The following ANTXRL variants were observed in gnomAD, a reference collection of about 807,000 sequenced individuals.
ANTXRL encodes the protein ANTXR like.
Under a neutral mutation model 75.4 loss-of-function variants are expected in ANTXRL, and 63 were observed. The ratio of observed to expected loss-of-function variants is 0.84; its 90% confidence interval spans 0.68 to 1.03. ANTXRL has a LOEUF of 1.03. Ranked by LOEUF, ANTXRL falls within the 50% of genes least tolerant of loss-of-function variation. The probability of loss-of-function intolerance (pLI) is 0.00; values close to 1 mark genes in which losing one functional copy is unlikely to be tolerated. For missense variants in ANTXRL, 797 were observed against 789.4 expected, an observed-to-expected ratio of 1.01 and a Z score of -0.12; for synonymous variants, 335 against 291.3, an observed-to-expected ratio of 1.15 and a Z score of -1.53.
Position 46,307,413 on chromosome 10 carries a change from T to C in ANTXRL, c.977T>C (p.Ile326Thr), listed in dbSNP as rs1188662393. 13 of 1,535,884 alleles carry C rather than the reference T, an allele frequency of 8.5e-6. No homozygotes were observed. Among genetic ancestry groups the C allele is most frequent in the Non-Finnish European group, 1.1e-5 (13 of 1,146,582 alleles). ...KLEKPGEEYSIEVSLNKGKTF... is the reference protein window; with the variant it reads ...KLEKPGEEYSTEVSLNKGKTF... The stretch of plus-strand genomic sequence containing the variant: ...TTTCTATGCTTTAGGGAGTACTCTA[T>C]TGAAGTCAGCTTGAACAAAGGCAAA... Residue 326 changes from isoleucine (I) to threonine (T), a missense_variant, in exon 12 of 17, where the codon ATT becomes ACT. Physicochemically the swap from Ile to Thr is moderately conservative, Grantham distance 89. Around this residue, in one of 3 missense-constraint regions of ANTXRL, gnomAD observed 479 missense variants for 422.0 expected, o/e 1.14. Transcript: ENST00000620264.
In ANTXRL at chr10:46,314,989, G is replaced by A. The variant is rs116445799; in HGVS notation, c.1410+1673G>A. ...TTCCCAACTATAGTCCTGAACACCC[G>A]ACTGAGTGTCTTGTAAGATTTCTGT... On this transcript the variant is annotated intron_variant, in intron 16 of 16. Coordinates refer to ENST00000620264, the MANE Select transcript of ANTXRL (RefSeq NM_001278688.3). Among the ~76,000 whole-genome samples the A allele has an allele frequency of 1.5e-3, 233 of 152,260 alleles. 2 individuals carry two copies. The highest frequency in any genetic ancestry group is 5.0e-3 in the African/African-American group (208 of 41,528).
At chr10:46,314,582 AAG>A (rs1461506288) in intron 16 of ANTXRL, among the ~76,000 whole-genome samples, 2 of 152,028 alleles carry the variant, frequency 1.3e-5, no homozygotes, top group Non-Finnish European at 2.9e-5. Context: ...GGGATGGAGC[AAG>A]TCGCTGAAAT....
At chr10:46,286,725 A>G (rs1371293852), upstream of ANTXRL, among the ~76,000 whole-genome samples, 2 of 152,038 alleles carry the variant, frequency 1.3e-5, no homozygotes, top group African/African-American at 4.8e-5. Context: ...TCACACAAAT[A>G]ACCTCCCATT....
At chr10:46,317,968 C>A (rs1459042015) in intron 16 of ANTXRL, among the ~76,000 whole-genome samples, 1 of 152,076 alleles carries the variant, frequency 6.6e-6, no homozygotes, top group African/African-American at 2.4e-5. Flanking sequence ...TTACACTTAC[C>A]CCACAGATTC....
At chr10:46,303,769 C>T (rs545446259) in intron 10 of ANTXRL, among the ~76,000 whole-genome samples, 11 of 152,110 alleles carry the variant, frequency 7.2e-5, no homozygotes, top group African/African-American at 1.7e-4. Context: ...CCTGAGGAAG[C>T]GCATAGTCCA....
At chr10:46,328,217 G>T (rs1554966854) in intron 16 of ANTXRL, among the ~76,000 whole-genome samples, 1 of 152,182 alleles carries the variant, frequency 6.6e-6, no homozygotes, top group Non-Finnish European at 1.5e-5. Context: ...CTGAAAAGGT[G>T]AGCAGCAGTT....
intron 9 of ANTXRL, among the ~76,000 whole-genome samples, chr10:46,301,048 A>T (rs1554960406): frequency 6.6e-6 from 1 of 151,184 alleles, no homozygotes; most frequent in South Asian, 2.1e-4. Flanking sequence ...TGCAATACAT[A>T]GTCCTAACAC....
chr10:46,322,385 G>A (rs1205851327), intron 16 of ANTXRL, among the ~76,000 whole-genome samples: 2 of 151,548 alleles, frequency 1.3e-5, no homozygotes, highest in South Asian at 2.1e-4. Flanking sequence ...TTGAACCTGG[G>A]AGGCAGAGGT....
At chr10:46,318,443 G>C (rs1224684079) in intron 16 of ANTXRL, among the ~76,000 whole-genome samples, 2 of 151,934 alleles carry the variant, frequency 1.3e-5, no homozygotes, top group Non-Finnish European at 2.9e-5. Context: ...AGCTTGCTAT[G>C]TTATTTTAGT....
chr10:46,309,163 A>G lies in ANTXRL; in HGVS notation c.1095A>G (p.Pro365=), dbSNP rs1421345409. ...LYFVPLLLLV[P]LLLCCVWRLC... ...TTGTGCCACTCCTGCTGCTTGTGCC[A>G]CTGCTGCTGTGTTGTGTCTGGCGGC... The change falls in exon 13 of 17, where the codon CCA becomes CCG. Residue 365 remains proline, a synonymous_variant. Coordinates refer to ENST00000620264, the MANE Select transcript of ANTXRL (RefSeq NM_001278688.3). 6 of 1,535,550 alleles carry G rather than the reference A, an allele frequency of 3.9e-6. No individual in the cohort carries two copies. The highest frequency in any genetic ancestry group is 2.7e-5 in the African/African-American group (2 of 72,932).
At chr10:46,290,306 C>T (rs1174564764) in intron 1 of ANTXRL, among the ~76,000 whole-genome samples, 2 of 152,126 alleles carry the variant, frequency 1.3e-5, no homozygotes, top group Admixed American at 6.6e-5. Context: ...CCTTCCAAAG[C>T]GCTGGGATTC....
intron 16 of ANTXRL, among the ~76,000 whole-genome samples, chr10:46,315,234 C>T (rs1244158401): frequency 5.3e-5 from 8 of 152,236 alleles, no homozygotes; most frequent in African/African-American, 9.7e-5. Context: ...TCAGCAGCTT[C>T]CTGCTCAGAG....
At chr10:46,309,449 G>C (rs1554962849) in intron 13 of ANTXRL, among the ~76,000 whole-genome samples, 1 of 152,176 alleles carries the variant, frequency 6.6e-6, no homozygotes, top group Non-Finnish European at 1.5e-5. Context: ...CCTGGACATG[G>C]GGTTGAGGCC....
chr10:46,309,281 C>T, intron 13 of ANTXRL, 79 bp downstream of exon 13: 2 of 1,527,180 alleles, frequency 1.3e-6, no homozygotes, highest in Non-Finnish European at 8.8e-7. Context: ...GTGACTGCCC[C>T]CCGTGATCCC....
upstream of ANTXRL, among the ~76,000 whole-genome samples, chr10:46,286,765 C>G (rs1360779642): frequency 6.6e-6 from 1 of 152,170 alleles, no homozygotes; most frequent in Non-Finnish European, 1.5e-5. Flanking sequence ...AGTCCTTGAC[C>G]TCCTCACCCA....
chr10:46,296,114 G>T lies in ANTXRL; in HGVS notation c.474+14G>T. 1 of 1,532,952 alleles carries T rather than the reference G, an allele frequency of 6.5e-7. No homozygotes were observed. Among genetic ancestry groups the T allele is most frequent in the South Asian group, 1.2e-5 (1 of 83,504 alleles). 95.0% of individuals were successfully genotyped at this position (1,532,952 alleles called of 1,614,324 possible). Reference sequence around the variant, plus strand: ...GGATTTAGAAAGGTATAGACCCCTTGATCTCCTAACCCTAACCCTAACCCT... The same window carrying T: ...GGATTTAGAAAGGTATAGACCCCTTTATCTCCTAACCCTAACCCTAACCCT... On this transcript the variant is annotated intron_variant, in intron 4 of 16. Coordinates refer to ENST00000620264, the MANE Select transcript of ANTXRL (RefSeq NM_001278688.3).
intron 7 of ANTXRL, 33 bp downstream of exon 7, chr10:46,297,507 C>G: frequency 6.5e-7 from 1 of 1,531,542 alleles, no homozygotes. Flanking sequence ...GCGCCACTTT[C>G]AAGCCTAGTG....
chr10:46,288,538 T>C (rs78596862), intron 1 of ANTXRL, among the ~76,000 whole-genome samples: 4,430 of 152,220 alleles, frequency 0.029, 153 homozygotes, highest in East Asian at 0.13. Context: ...TTTCTGACTG[T>C]TCTGCTACTC....
intron 16 of ANTXRL, among the ~76,000 whole-genome samples, chr10:46,316,453 A>G (rs2999403): frequency 1.9e-4 from 29 of 152,176 alleles, no homozygotes; most frequent in South Asian, 6.2e-4. Flanking sequence ...GCATCCAACA[A>G]CCTGGCTCCA....
Sources: allele counts gnomAD v4.1 joint callset (sites outside exome capture counted in the v4.1 genomes callset), GRCh38; gene constraint gnomAD v4.1.1; regional missense constraint gnomAD v4.1.1; transcripts MANE v1.5; gene names NCBI Gene and HGNC (gene_info 2026-07-23, HGNC 2026-07-21).